The following COL19A1 variants were observed in gnomAD, a reference collection of about 807,000 sequenced individuals.
COL19A1 encodes collagen alpha-1(XIX) chain.
COL19A1 carries 159 observed loss-of-function variants against 190.2 expected under a neutral mutation model. The ratio of observed to expected loss-of-function variants is 0.84; its 90% CI spans 0.73 to 0.95. The LOEUF is 0.95. Among genes scored for constraint, COL19A1 ranks in the 40% least tolerant of loss-of-function variants. The probability of loss-of-function intolerance (pLI) is 0.00; values close to 1 mark genes in which losing one functional copy is unlikely to be tolerated. For synonymous variants in COL19A1, 509 were observed against 458.9 expected, an observed-to-expected ratio of 1.11 and a Z score of -1.39; for missense variants, 1,418 against 1,431.9, an observed-to-expected ratio of 0.99 and a Z score of 0.16.
chr6:70,156,257 G>C (rs534743747), intron 32 of COL19A1, 26 bp downstream of exon 32: 6 of 1,612,966 alleles, frequency 3.7e-6, no homozygotes, highest in Non-Finnish European at 5.1e-6. Context: ...GAATGTTTAC[G>C]ATCCCTGTGG....
chr6:70,016,316 T>C (rs1317922660), intron 11 of COL19A1, among the ~76,000 whole-genome samples: 1 of 77,798 alleles, frequency 1.3e-5, no homozygotes, highest in Non-Finnish European at 2.2e-5. Flanking sequence ...TGTATACATA[T>C]GTAACTAACC....
chr6:70,016,366 T>TA (rs752043571), intron 11 of COL19A1, among the ~76,000 whole-genome samples: 1,006 of 37,630 alleles, frequency 0.027, 19 homozygotes, highest in Middle Eastern at 0.056. Context: ...TAGAGTATAA[T>TA]AAAAAAAAAA....
At chr6:69,921,694 A>T (rs1411085669) in intron 4 of COL19A1, among the ~76,000 whole-genome samples, 2 of 146,802 alleles carry the variant, frequency 1.4e-5, no homozygotes, top group Non-Finnish European at 3.0e-5. Flanking sequence ...TCGTATGTAG[A>T]TTCGTATATA....
chr6:70,006,979 A>G (rs139968910), intron 11 of COL19A1, among the ~76,000 whole-genome samples: 18 of 152,302 alleles, frequency 1.2e-4, no homozygotes, highest in African/African-American at 4.1e-4. Flanking sequence ...TGCTAAAAAT[A>G]TTTGTTGAAC....
chr6:70,161,368 G>A (rs769905681), intron 34 of COL19A1, among the ~76,000 whole-genome samples: 11 of 152,086 alleles, frequency 7.2e-5, no homozygotes, highest in Non-Finnish European at 1.0e-4. Flanking sequence ...TACTGCTGAC[G>A]GAGTGGCCCT....
In COL19A1 at chr6:70,010,846, G is replaced by A. The variant is rs1188202902; in HGVS notation, c.1027-12781G>A. Among the ~76,000 whole-genome samples the A allele has an allele frequency of 1.2e-4, 14 of 118,126 alleles. 2 individuals carry two copies. Among genetic ancestry groups the A allele is most frequent in the African/African-American group, 5.6e-4 (13 of 23,240 alleles). 77.5% of individuals were successfully genotyped at this position (118,126 alleles called of 152,430 possible). On this transcript the variant is annotated intron_variant, in intron 11 of 50. Coordinates refer to ENST00000620364, the MANE Select transcript of COL19A1 (RefSeq NM_001858.6). ...AAAGCAGCCAGGAAGCTCAAACTGG[G>A]TGGAGCCCACCACAGCTCAAGGAGG...
intron 14 of COL19A1, among the ~76,000 whole-genome samples, chr6:70,052,662 C>T (rs774463983): frequency 6.6e-6 from 1 of 152,140 alleles, no homozygotes; most frequent in Non-Finnish European, 1.5e-5. Context: ...AAGTTTAATA[C>T]CTTCATGTAT....
intron 11 of COL19A1, among the ~76,000 whole-genome samples, chr6:69,965,702 G>A (rs1775050038): frequency 6.6e-6 from 1 of 152,174 alleles, no homozygotes; most frequent in Admixed American, 6.5e-5. Context: ...GGTTGTTGGT[G>A]CTGACATGAC....
chr6:69,965,399 A>G (rs1003893384), intron 11 of COL19A1, among the ~76,000 whole-genome samples: 4 of 152,172 alleles, frequency 2.6e-5, no homozygotes, highest in African/African-American at 4.8e-5. Context: ...GTGGAAACCA[A>G]CTGGAGTAAT....
chr6:70,195,903 C>T (rs187193218), intron 48 of COL19A1, among the ~76,000 whole-genome samples: 3 of 152,256 alleles, frequency 2.0e-5, no homozygotes, highest in African/African-American at 7.2e-5. Flanking sequence ...TTCATATGCT[C>T]CCCCATTCTT....
At chr6:70,203,288 A>G (rs1020023802) in intron 49 of COL19A1, among the ~76,000 whole-genome samples, 1 of 152,178 alleles carries the variant, frequency 6.6e-6, no homozygotes, top group African/African-American at 2.4e-5. Context: ...AAACAGCTAC[A>G]TCCATCGCAT....
chr6:69,915,149 A>C (rs932038691), intron 4 of COL19A1, among the ~76,000 whole-genome samples: 2 of 152,176 alleles, frequency 1.3e-5, no homozygotes, highest in African/African-American at 2.4e-5. Flanking sequence ...AAAACATCAA[A>C]TTTGGACTTG....
chr6:69,951,981 A>G (rs566745639), intron 9 of COL19A1, among the ~76,000 whole-genome samples: 5 of 151,878 alleles, frequency 3.3e-5, no homozygotes, highest in African/African-American at 4.8e-5. Flanking sequence ...GGTCTGAATT[A>G]GATCTTAAAT....
At chr6:69,943,581 G>T (rs1481848894) in intron 9 of COL19A1, among the ~76,000 whole-genome samples, 2 of 152,060 alleles carry the variant, frequency 1.3e-5, no homozygotes, top group Admixed American at 1.3e-4. Context: ...GTTGATTTTT[G>T]CATATGGTGA....
chr6:69,972,366 T>G (rs148920062), intron 11 of COL19A1, among the ~76,000 whole-genome samples: 2 of 152,210 alleles, frequency 1.3e-5, no homozygotes, highest in Non-Finnish European at 2.9e-5. Flanking sequence ...CTTTCTCCAA[T>G]AGAGTAGAAG....
chr6:70,038,379 G>C (rs567582610), intron 14 of COL19A1, among the ~76,000 whole-genome samples: 1 of 152,298 alleles, frequency 6.6e-6, no homozygotes, highest in African/African-American at 2.4e-5. Context: ...AGCAAGAGTT[G>C]AGAACCATTA....
At chr6:70,038,352 A>C (rs1162869237) in intron 14 of COL19A1, among the ~76,000 whole-genome samples, 1 of 152,220 alleles carries the variant, frequency 6.6e-6, no homozygotes, top group African/African-American at 2.4e-5. Context: ...AAGCTCCCCG[A>C]GTGGATCTAA....
intron 17 of COL19A1, among the ~76,000 whole-genome samples, chr6:70,127,297 G>C (rs573566097): frequency 2.6e-4 from 39 of 152,272 alleles, no homozygotes; most frequent in African/African-American, 8.7e-4. Context: ...TTTGAGAAAT[G>C]GAGGCCAGAA....
chr6:69,958,230 C>A (rs1320685146), intron 9 of COL19A1, among the ~76,000 whole-genome samples: 2 of 152,104 alleles, frequency 1.3e-5, no homozygotes, highest in Non-Finnish European at 2.9e-5. Flanking sequence ...ACTATCACAA[C>A]CTTTTTTCCC....
Sources: gnomAD v4.1 joint callset for allele counts (sites outside exome capture counted in the v4.1 genomes callset) on GRCh38, gnomAD v4.1.1 for gene constraint, MANE v1.5 for transcripts, NCBI Gene and HGNC (gene_info 2026-07-23, HGNC 2026-07-21) for gene names.